PKP4: variants seen among roughly 807,000 people sequenced by gnomAD.
PKP4 encodes plakophilin-4.
A neutral mutation model predicts 145.1 loss-of-function variants in PKP4; 90 were observed. The ratio of observed to expected loss-of-function variants is 0.62; its 90% CI spans 0.52 to 0.74. The LOEUF is 0.74. Among genes scored for constraint, PKP4 ranks in the 30% least tolerant of loss-of-function variants. The pLI is 0.00. For synonymous variants in PKP4, 563 were observed against 577.2 expected, an observed-to-expected ratio of 0.98 and a Z score of 0.35; for missense variants, 1,340 against 1,482.7, an observed-to-expected ratio of 0.90 and a Z score of 1.58.
At chr2:158,596,883 C>G (rs955143896) in intron 3 of PKP4, among the ~76,000 whole-genome samples, 1 of 152,122 alleles carries the variant, frequency 6.6e-6, no homozygotes, top group African/African-American at 2.4e-5. Flanking sequence ...TAGACTATGG[C>G]GTATAGTTCA....
At chr2:158,607,084 A>T (rs2050719045) in intron 4 of PKP4, among the ~76,000 whole-genome samples, 1 of 152,224 alleles carries the variant, frequency 6.6e-6, no homozygotes, top group Non-Finnish European at 1.5e-5. Flanking sequence ...GAAGAAAATT[A>T]TTTAAAGTAC....
chr2:158,559,531 G>A (rs557844187), intron 2 of PKP4, among the ~76,000 whole-genome samples: 14 of 152,124 alleles, frequency 9.2e-5, no homozygotes, highest in South Asian at 2.1e-4. Context: ...GGCACTCTGC[G>A]GAGGACTTAC....
intron 4 of PKP4, among the ~76,000 whole-genome samples, chr2:158,617,720 G>A (rs2051781180): frequency 6.6e-6 from 1 of 152,084 alleles, no homozygotes; most frequent in South Asian, 2.1e-4. Flanking sequence ...TGCATATATA[G>A]GTTTATGCAT....
chr2:158,535,197 C>T (rs967557835), intron 2 of PKP4, among the ~76,000 whole-genome samples: 2 of 152,116 alleles, frequency 1.3e-5, no homozygotes, highest in African/African-American at 4.8e-5. Context: ...TAAGACTCTC[C>T]TGAAATATGT....
chr2:158,592,168 A>G (rs2049323413), intron 3 of PKP4, among the ~76,000 whole-genome samples: 1 of 152,026 alleles, frequency 6.6e-6, no homozygotes, highest in Non-Finnish European at 1.5e-5. Context: ...CTACAGCAGT[A>G]GTTAGGAACA....
intron 1 of PKP4, among the ~76,000 whole-genome samples, chr2:158,474,913 C>T (rs1692214039): frequency 1.3e-5 from 2 of 152,176 alleles, no homozygotes; most frequent in Non-Finnish European, 2.9e-5. Context: ...CTTGCCTGCC[C>T]ACATTCAACA....
chr2:158,604,706 T>C (rs2050508879), intron 4 of PKP4, among the ~76,000 whole-genome samples: 1 of 152,014 alleles, frequency 6.6e-6, no homozygotes, highest in Non-Finnish European at 1.5e-5. Flanking sequence ...GTGAGATGTG[T>C]TGGATTTGAG....
chr2:158,467,805 C>T (rs375711423), intron 1 of PKP4, among the ~76,000 whole-genome samples: 2 of 152,030 alleles, frequency 1.3e-5, no homozygotes, highest in African/African-American at 4.8e-5. Context: ...TATGATAGTG[C>T]CACTGCACTC....
chr2:158,584,363 G>A (rs2048614761), intron 3 of PKP4, among the ~76,000 whole-genome samples: 1 of 152,202 alleles, frequency 6.6e-6, no homozygotes, highest in Non-Finnish European at 1.5e-5. Context: ...TAGTAGGTTA[G>A]GGACCAGTGC....
At chr2:158,497,258 A>T (rs1401026630) in intron 1 of PKP4, among the ~76,000 whole-genome samples, 8 of 152,160 alleles carry the variant, frequency 5.3e-5, no homozygotes, top group African/African-American at 1.7e-4. Flanking sequence ...TGTATTTTTA[A>T]ATGACTAGAG....
chr2:158,583,385 C>A (rs1159496028), intron 3 of PKP4, among the ~76,000 whole-genome samples: 1 of 152,024 alleles, frequency 6.6e-6, no homozygotes, highest in African/African-American at 2.4e-5. Flanking sequence ...GTAGATAAGA[C>A]CGTATTCTTA....
chr2:158,645,004 G>A (rs896923360), intron 11 of PKP4, among the ~76,000 whole-genome samples: 9 of 152,106 alleles, frequency 5.9e-5, no homozygotes, highest in Non-Finnish European at 1.0e-4. Context: ...TGTAACACTT[G>A]GGAATGAATA....
intron 3 of PKP4, among the ~76,000 whole-genome samples, chr2:158,599,941 A>C (rs1173704163): frequency 6.6e-6 from 1 of 152,194 alleles, no homozygotes; most frequent in Non-Finnish European, 1.5e-5. Flanking sequence ...GAGTTTTCAA[A>C]GATATTGCAC....
intron 4 of PKP4, among the ~76,000 whole-genome samples, chr2:158,609,432 T>G (rs2105866512): frequency 6.6e-6 from 1 of 152,312 alleles, no homozygotes; most frequent in Non-Finnish European, 1.5e-5. Flanking sequence ...TATACAAAAT[T>G]TCACAAAAGG....
intron 3 of PKP4, among the ~76,000 whole-genome samples, chr2:158,578,714 T>A (rs1480930795): frequency 6.6e-6 from 1 of 152,174 alleles, no homozygotes; most frequent in Non-Finnish European, 1.5e-5. Flanking sequence ...CAGAATTCTG[T>A]TAGTACTTCT....
At chr2:158,591,327 A>G (rs2049258375) in intron 3 of PKP4, among the ~76,000 whole-genome samples, 1 of 152,008 alleles carries the variant, frequency 6.6e-6, no homozygotes, top group Non-Finnish European at 1.5e-5. Context: ...GTGTAATAAT[A>G]TTGTGGTTAT....
chr2:158,669,349 A>G (rs186643049), intron 16 of PKP4: 1 of 156,608 alleles, frequency 6.4e-6, no homozygotes, highest in Admixed American at 6.5e-5. Flanking sequence ...TTTGTGATGC[A>G]TAGGAATTCC....
chr2:158,477,601 G>C (rs1692685367), intron 1 of PKP4, among the ~76,000 whole-genome samples: 1 of 152,192 alleles, frequency 6.6e-6, no homozygotes, highest in African/African-American at 2.4e-5. Context: ...CAGTCTTAAA[G>C]TAAGGTTTCC....
chr2:158,485,305 T>C (rs1694005225), intron 1 of PKP4, among the ~76,000 whole-genome samples: 1 of 152,212 alleles, frequency 6.6e-6, no homozygotes, highest in Non-Finnish European at 1.5e-5. Flanking sequence ...AGCCAATTAT[T>C]ATTAGCCCTG....
Sources: allele counts gnomAD v4.1 joint callset (sites outside exome capture counted in the v4.1 genomes callset), GRCh38; gene constraint gnomAD v4.1.1; transcripts MANE v1.5; gene names NCBI Gene and HGNC (gene_info 2026-07-23, HGNC 2026-07-21).